NCKAP5: variants seen among roughly 807,000 people sequenced by gnomAD.
NCKAP5 encodes the protein NCK associated protein 5, also known as nck-associated protein 5.
Under a neutral mutation model 167.0 loss-of-function variants are expected in NCKAP5, and 92 were observed. The ratio of observed to expected loss-of-function variants is 0.55; its 90% CI spans 0.47 to 0.66. The LOEUF is 0.66. Ranked by LOEUF, NCKAP5 falls within the 30% of genes least tolerant of loss-of-function variation. The pLI is 0.00. For synonymous variants in NCKAP5, 891 were observed against 877.4 expected (o/e 1.02, Z -0.27); for missense variants, 2,378 against 2,315.0 (o/e 1.03, Z -0.56).
intron 3 of NCKAP5, among the ~76,000 whole-genome samples, chr2:133,455,934 C>T (rs1691829241): frequency 6.6e-6 from 1 of 152,130 alleles, no homozygotes; most frequent in Admixed American, 6.6e-5. Context: ...ACTTAATTTT[C>T]TAAACCACAG....
chr2:133,052,432 T>C (rs1226283066), intron 6 of NCKAP5, among the ~76,000 whole-genome samples: 1 of 151,424 alleles, frequency 6.6e-6, no homozygotes, highest in Non-Finnish European at 1.5e-5. Context: ...AACTGGAGAG[T>C]TTGGGCCGGG....
intron 8 of NCKAP5, among the ~76,000 whole-genome samples, chr2:132,910,101 A>T (rs893617061): frequency 5.9e-5 from 9 of 151,688 alleles, no homozygotes; most frequent in African/African-American, 1.9e-4. Flanking sequence ...AATATTTTAA[A>T]TTTTTTTTCA....
intron 13 of NCKAP5, 115 bp downstream of exon 13, chr2:132,789,908 T>G: frequency 1.1e-6 from 1 of 901,044 alleles, no homozygotes; most frequent in Non-Finnish European, 1.7e-6. Context: ...CATGAGCAGG[T>G]GCTCAGCAAA....
At chr2:133,320,529 C>T (rs1681961334) in intron 3 of NCKAP5, among the ~76,000 whole-genome samples, 1 of 152,088 alleles carries the variant, frequency 6.6e-6, no homozygotes, top group Admixed American at 6.5e-5. Context: ...GAGATCGAGA[C>T]CATCCTGGCT....
chr2:132,902,557 C>A (rs534314186), intron 8 of NCKAP5, among the ~76,000 whole-genome samples: 1 of 152,296 alleles, frequency 6.6e-6, no homozygotes, highest in East Asian at 1.9e-4. Context: ...AAAAGCTGCC[C>A]AGGTATTTCA....
the NCKAP5 span, among the ~76,000 whole-genome samples, chr2:133,639,235 T>A: frequency 6.6e-6 from 1 of 152,116 alleles, no homozygotes; most frequent in Non-Finnish European, 1.5e-5. Flanking sequence ...ATAAACTGAT[T>A]CAGTAATTTG....
intron 5 of NCKAP5, among the ~76,000 whole-genome samples, chr2:133,194,960 T>A (rs556690122): frequency 6.6e-6 from 1 of 151,912 alleles, no homozygotes; most frequent in Non-Finnish European, 1.5e-5. Flanking sequence ...TCACCAAGAC[T>A]CCTCAGAACT....
intron 3 of NCKAP5, among the ~76,000 whole-genome samples, chr2:133,384,494 C>T (rs889749015): frequency 6.6e-6 from 1 of 152,186 alleles, no homozygotes; most frequent in Admixed American, 6.5e-5. Context: ...TAGCGTGATG[C>T]CTCCAGCTTT....
chr2:133,334,651 T>C (rs562403401), intron 3 of NCKAP5, among the ~76,000 whole-genome samples: 9 of 152,328 alleles, frequency 5.9e-5, no homozygotes, highest in Non-Finnish European at 1.3e-4. Flanking sequence ...TTATTGAGTA[T>C]ATGTAGATTG....
intron 19 of NCKAP5, among the ~76,000 whole-genome samples, chr2:132,691,644 T>G (rs975384351): frequency 6.6e-6 from 1 of 152,150 alleles, no homozygotes; most frequent in Non-Finnish European, 1.5e-5. Context: ...AAAAACCACC[T>G]AAATCCAAAG....
At chr2:133,386,936 G>A (rs1425554937) in intron 3 of NCKAP5, among the ~76,000 whole-genome samples, 1 of 152,100 alleles carries the variant, frequency 6.6e-6, no homozygotes, top group Non-Finnish European at 1.5e-5. Context: ...GAGCCTGTAT[G>A]TGTCTCTGCA....
At chr2:133,216,831 G>A (rs185049734) in intron 4 of NCKAP5, among the ~76,000 whole-genome samples, 2 of 152,214 alleles carry the variant, frequency 1.3e-5, no homozygotes, top group East Asian at 1.9e-4. Context: ...TGTGTCGGAG[G>A]AGTAAGATGC....
intron 5 of NCKAP5, among the ~76,000 whole-genome samples, chr2:133,182,868 T>C (rs1390384169): frequency 2.0e-5 from 3 of 151,902 alleles, no homozygotes; most frequent in Admixed American, 1.3e-4. Flanking sequence ...TCTAGCAAGA[T>C]TGCAAAGGAA....
At chr2:133,317,466 T>C (rs1681693022) in intron 3 of NCKAP5, among the ~76,000 whole-genome samples, 1 of 151,950 alleles carries the variant, frequency 6.6e-6, no homozygotes, top group South Asian at 2.1e-4. Flanking sequence ...TCTAAGGAGG[T>C]AGAGCCATGA....
the NCKAP5 span, among the ~76,000 whole-genome samples, chr2:133,633,711 G>C: frequency 6.6e-6 from 1 of 152,202 alleles, no homozygotes; most frequent in African/African-American, 2.4e-5. Flanking sequence ...CTGAAGCTCA[G>C]AAATTTTATG....
chr2:132,945,997 T>G (rs1370504766), intron 8 of NCKAP5, among the ~76,000 whole-genome samples: 1 of 152,262 alleles, frequency 6.6e-6, no homozygotes, highest in Non-Finnish European at 1.5e-5. Context: ...AGTCCCATTT[T>G]CCTTTGTCAG....
chr2:133,195,820 T>A (rs750274156), intron 5 of NCKAP5, among the ~76,000 whole-genome samples: 1 of 152,120 alleles, frequency 6.6e-6, no homozygotes, highest in East Asian at 1.9e-4. Context: ...AAACTTAGCT[T>A]GTGATATAGT....
intron 6 of NCKAP5, among the ~76,000 whole-genome samples, chr2:133,062,873 C>T (rs1347902070): frequency 6.6e-6 from 1 of 151,914 alleles, no homozygotes; most frequent in East Asian, 1.9e-4. Context: ...TAAAAAGCAC[C>T]CATAAATTGA....
At chr2:133,591,142 G>GTTC in the NCKAP5 span, among the ~76,000 whole-genome samples, 35 of 152,272 alleles carry the variant, frequency 2.3e-4, no homozygotes, top group Non-Finnish European at 4.4e-4. Flanking sequence ...TGCGGGGAGA[G>GTTC]GGAAGGGACT....
Sources: allele counts gnomAD v4.1 joint callset (sites outside exome capture counted in the v4.1 genomes callset), GRCh38; gene constraint gnomAD v4.1.1; transcripts MANE v1.5; gene names NCBI Gene and HGNC (gene_info 2026-07-23, HGNC 2026-07-21).